OXNAD1: variants seen among roughly 807,000 people sequenced by gnomAD.
OXNAD1 encodes the protein oxidoreductase NAD binding domain containing 1.
In OXNAD1, 34 loss-of-function variants were observed where a neutral mutation model predicts 32.9. The ratio of observed to expected loss-of-function variants is 1.03; its 90% confidence interval spans 0.79 to 1.38. The LOEUF is 1.38. Among genes scored for constraint, OXNAD1 ranks in the 40% most tolerant of loss-of-function variants. The probability of loss-of-function intolerance (pLI) is 0.00; values close to 1 mark genes in which losing one functional copy is unlikely to be tolerated. For missense variants in OXNAD1, 407 were observed against 379.4 expected (o/e 1.07, Z -0.60); for synonymous variants, 134 against 135.2 (o/e 0.99, Z 0.06).
rs1301542016 is a variant in OXNAD1 at position 16,345,984 on chromosome 3, GTT to G, written c.*31-3190_*31-3189del. On this transcript the variant is annotated intron_variant, in intron 9 of 9. Coordinates refer to the OXNAD1 transcript ENST00000606098. This position sits in a 1 kb window ranked among gnomAD's most constrained non-coding sequence, Gnocchi z 5.2. ...CAGGATTTTGAAAACGTGATCATTT[GTT>G]TCATCCTCTCTTCCTCTGCAGCAAG... is the stretch of plus-strand genomic sequence containing the variant. 1 of 152,056 alleles carries G rather than the reference GTT, an allele frequency of 6.6e-6. No individual in the cohort carries two copies. Among genetic ancestry groups the G allele is most frequent in the African/African-American group, 2.4e-5 (1 of 41,388 alleles). 9.4% of individuals were successfully genotyped at this position (152,056 alleles called of 1,614,324 possible).
chr3:16,329,962 T>C lies in OXNAD1; in HGVS notation c.*31-7150T>C, dbSNP rs1028364442. 6.6e-6 allele frequency among the ~76,000 whole-genome samples: 1 copy of C among 152,208 alleles called. No homozygotes were observed. The highest frequency in any genetic ancestry group is 6.5e-5 in the Admixed American group (1 of 15,284). ...CCCTGCTGCAGCCCGACCCGCCTGC[T>C]TAGACAGACTGCAAACCGGCTGCTT... On this transcript the variant is annotated intron_variant, in intron 9 of 9. Transcript: ENST00000435829. This position sits in a 1 kb window ranked among gnomAD's most constrained non-coding sequence, Gnocchi z 4.5.
rs1159429662 is a variant in OXNAD1, at chr3:16,298,547, AGATTT to A, written c.433-3078_433-3074del. ...AGTTGCAAACAGCCTTTATGAAGTCAGATTTTTCTTGGAATCATTTTCAGGTGGCT... is the reference window on the plus strand; with the variant it reads ...AGTTGCAAACAGCCTTTATGAAGTCATTCTTGGAATCATTTTCAGGTGGCT... On this transcript the variant is annotated intron_variant, in intron 6 of 8. Transcript: ENST00000285083. The surrounding 1 kb of genome is among the most constrained non-coding windows in gnomAD (Gnocchi z 5.1). Among the ~76,000 whole-genome samples, 1 of 152,144 alleles carries A rather than the reference AGATTT, an allele frequency of 6.6e-6. No homozygotes were observed. The highest frequency in any genetic ancestry group is 1.5e-5 in the Non-Finnish European group (1 of 68,018).
downstream of OXNAD1, among the ~76,000 whole-genome samples, chr3:16,309,632 T>C (rs967324230): frequency 3.9e-5 from 6 of 152,034 alleles, no homozygotes; most frequent in African/African-American, 1.5e-4. Flanking sequence ...TTAGAGACTA[T>C]AGAAGCCCAG....
rs1479091141 is a variant in OXNAD1, at chr3:16,316,019, T to C, written c.*30+12427T>C. ...ATACACATGATAAACACAGCATACA[T>C]GGGTAACAACTTGACCAATGTTACA... On this transcript the variant is annotated intron_variant, in intron 9 of 9. Transcript: ENST00000435829. This position sits in a 1 kb window ranked among gnomAD's most constrained non-coding sequence, Gnocchi z 4.5. 6.6e-6 allele frequency: 1 copy of C among 152,398 alleles called. No individual in the cohort carries two copies. The highest frequency in any genetic ancestry group is 1.5e-5 in the Non-Finnish European group (1 of 68,048). The allele number at this position is 152,398 out of a possible 1,614,324, so 9.4% of individuals were successfully genotyped here. A position where few individuals can be genotyped will look rare whatever the true frequency, so the allele number is the denominator to read the frequency against.
chr3:16,289,828 C>T lies in OXNAD1; in HGVS notation c.290+3380C>T, dbSNP rs551533539. On this transcript the variant is annotated intron_variant, in intron 5 of 8. Coordinates refer to ENST00000285083, the MANE Select transcript of OXNAD1 (RefSeq NM_138381.5). The surrounding 1 kb of genome is among the most constrained non-coding windows in gnomAD (Gnocchi z 4.9). Reference sequence around the variant, plus strand: ...GACTCCTCCTTCCTCTGCCTTGCCTCGCTACGCTAAGCAGATTTTATCATT... The same window carrying T: ...GACTCCTCCTTCCTCTGCCTTGCCTTGCTACGCTAAGCAGATTTTATCATT... Among the ~76,000 whole-genome samples the T allele has an allele frequency of 6.4e-4, 97 of 152,344 alleles. No individual in the cohort carries two copies. Among genetic ancestry groups the T allele is most frequent in the Admixed American group, 3.1e-3 (47 of 15,302 alleles).
At chr3:16,340,134 G>C (rs749041327), downstream of OXNAD1, among the ~76,000 whole-genome samples, 4 of 152,112 alleles carry the variant, frequency 2.6e-5, no homozygotes, top group Non-Finnish European at 5.9e-5. Context: ...TTTCTTCCCT[G>C]TTTCTGTTCC....
rs1026997670 is a variant in OXNAD1 at position 16,317,490 on chromosome 3, C to G, written c.*30+13898C>G. ...GTTCTGTTGGGGCAGAGCAGTATTTCTTTTGACTGGCTCTATACCAAAGGC... is the reference window on the plus strand; with the variant it reads ...GTTCTGTTGGGGCAGAGCAGTATTTGTTTTGACTGGCTCTATACCAAAGGC... On this transcript the variant is annotated intron_variant, in intron 9 of 9. Coordinates refer to the OXNAD1 transcript ENST00000435829. The surrounding 1 kb of genome is among the most constrained non-coding windows in gnomAD (Gnocchi z 4.3). 6.6e-6 allele frequency among the ~76,000 whole-genome samples: 1 copy of G among 152,134 alleles called. No homozygotes were observed. Among genetic ancestry groups the G allele is most frequent in the African/African-American group, 2.4e-5 (1 of 41,428 alleles).
chr3:16,309,432 CTTAA>C (rs1350893767), downstream of OXNAD1, among the ~76,000 whole-genome samples: 1 of 151,896 alleles, frequency 6.6e-6, no homozygotes, highest in Non-Finnish European at 1.5e-5. Context: ...CAGTCTCATA[CTTAA>C]GTATTTTTTT....
intron 4 of OXNAD1, among the ~76,000 whole-genome samples, chr3:16,272,752 C>T (rs1414985587): frequency 1.4e-5 from 2 of 138,874 alleles, no homozygotes; most frequent in African/African-American, 5.3e-5. Flanking sequence ...TCTGAAAATA[C>T]TTTTTTTTTG....
intron 9 of OXNAD1, among the ~76,000 whole-genome samples, chr3:16,326,158 TA>T (rs2069667374): frequency 6.6e-6 from 1 of 152,220 alleles, no homozygotes; most frequent in South Asian, 2.1e-4. Context: ...GAGGGCCTTT[TA>T]TGGTTGGTGT....
chr3:16,272,026 A>G (rs977135827), intron 4 of OXNAD1: 12 of 496,526 alleles, frequency 2.4e-5, no homozygotes, highest in South Asian at 7.9e-5. Context: ...TTTTAGCACT[A>G]GAACTTCCTT....
In OXNAD1 at chr3:16,348,372, A is replaced by G. The variant is rs1464876482; in HGVS notation, c.*31-804A>G. Among the ~76,000 whole-genome samples, 1 of 151,952 alleles carries G rather than the reference A, an allele frequency of 6.6e-6. No homozygotes were observed. The highest frequency in any genetic ancestry group is 1.5e-5 in the Non-Finnish European group (1 of 67,972). The stretch of plus-strand genomic sequence containing the variant: ...ATATGTGTTCTAATTATAAAAAAAA[A>G]TTAATAGATGTGCCTTCTCTTCCAG... On this transcript the variant is annotated intron_variant, in intron 9 of 9. Transcript: ENST00000606098. This position sits in a 1 kb window ranked among gnomAD's most constrained non-coding sequence, Gnocchi z 6.3.
In OXNAD1 at chr3:16,335,066, C is replaced by A. The variant is rs750184670; in HGVS notation, c.*31-2046C>A. Among the ~76,000 whole-genome samples the A allele has an allele frequency of 6.6e-6, 1 of 152,206 alleles. No individual in the cohort carries two copies. Among genetic ancestry groups the A allele is most frequent in the Non-Finnish European group, 1.5e-5 (1 of 68,028 alleles). On this transcript the variant is annotated intron_variant, in intron 9 of 9. Transcript: ENST00000435829. The surrounding 1 kb of genome is among the most constrained non-coding windows in gnomAD (Gnocchi z 4.7). ...GGTCCTGTCAACACCTTGGTTTTAG[C>A]CCCTTAATACTCATTTCAGACTTCT...
At chr3:16,270,844 C>A in intron 2 of OXNAD1, 101 bp from the exon 3 acceptor site, 1 of 1,521,838 alleles carries the variant, frequency 6.6e-7, no homozygotes, top group Non-Finnish European at 8.8e-7. Context: ...ATAATAGCAC[C>A]AACAGAAATC....
rs1553718092 is a variant in OXNAD1, at chr3:16,324,620, C to CCA, written c.*31-12491_*31-12490insAC. On this transcript the variant is annotated intron_variant, in intron 9 of 9. Transcript: ENST00000435829. ...AATAACAGAATGTCCCTGACCCCCC[C>CCA]CCTTTTAAGGTTGCATAGTATTCCA... Among the ~76,000 whole-genome samples, 8 of 142,888 alleles carry CCA rather than the reference C, an allele frequency of 5.6e-5. 1 individual carries two copies. The highest frequency in any genetic ancestry group is 9.2e-5 in the Non-Finnish European group (6 of 64,960). 93.7% of individuals were successfully genotyped at this position (142,888 alleles called of 152,430 possible).
In OXNAD1 at chr3:16,303,988, A is replaced by G. The variant is rs1179795911; in HGVS notation, c.*426A>G. 1 of 152,730 alleles carries G rather than the reference A, an allele frequency of 6.5e-6. No individual in the cohort carries two copies. The highest frequency in any genetic ancestry group is 2.4e-5 in the African/African-American group (1 of 41,478). The allele number at this position is 152,730 out of a possible 1,614,324, so 9.5% of individuals were successfully genotyped here. A position where few individuals can be genotyped will look rare whatever the true frequency, so the allele number is the denominator to read the frequency against. On this transcript the variant is annotated 3_prime_UTR_variant, in exon 9 of 9. Transcript: ENST00000285083. The surrounding 1 kb of genome is among the most constrained non-coding windows in gnomAD (Gnocchi z 4.8). ...TGTTTAATGAAAGTATAATTTAAAT[A>G]CAATCTTAATAATTTTACTTTGAAA...
At chr3:16,281,491 A>C (rs1390195802) in intron 4 of OXNAD1, among the ~76,000 whole-genome samples, 1 of 152,316 alleles carries the variant, frequency 6.6e-6, no homozygotes, top group East Asian at 1.9e-4. Context: ...TCAACCTATA[A>C]GTATAATGCA....
intron 9 of OXNAD1, among the ~76,000 whole-genome samples, chr3:16,319,816 G>C (rs2068839367): frequency 1.3e-5 from 2 of 152,252 alleles, no homozygotes; most frequent in Admixed American, 1.3e-4. Context: ...GACTGTGCCA[G>C]ATTTCAGTTG....
chr3:16,349,553 A>G (rs1374660423), exon 10 of OXNAD1: 2 of 152,280 alleles, frequency 1.3e-5, no homozygotes, highest in African/African-American at 4.8e-5. Context: ...GTGCACACGT[A>G]TACACATACG....
Sources: gnomAD v4.1 joint callset for allele counts (sites outside exome capture counted in the v4.1 genomes callset) on GRCh38, gnomAD v4.1.1 for gene constraint, Gnocchi (gnomAD v3.1) non-coding constraint, MANE v1.5 for transcripts, NCBI Gene and HGNC (gene_info 2026-07-23, HGNC 2026-07-21) for gene names.